FOXP2: variants seen among roughly 807,000 people sequenced by gnomAD.
FOXP2 encodes the protein forkhead box P2.
Under a neutral mutation model 115.8 loss-of-function variants are expected in FOXP2, and 12 were observed. That is an observed-to-expected ratio of 0.10 (90% confidence interval 0.07 to 0.17). FOXP2 has a LOEUF of 0.17. Among genes scored for constraint, FOXP2 ranks in the 10% least tolerant of loss-of-function variants. The probability of loss-of-function intolerance (pLI) is 1.00; values close to 1 mark genes in which losing one functional copy is unlikely to be tolerated. For missense variants in FOXP2, 629 were observed against 843.5 expected, an observed-to-expected ratio of 0.75 and a Z score of 3.15; for synonymous variants, 328 against 297.7, an observed-to-expected ratio of 1.10 and a Z score of -1.05.
chr7:114,334,657 G>A (rs2129183433), intron 2 of FOXP2, among the ~76,000 whole-genome samples: 1 of 150,610 alleles, frequency 6.6e-6, no homozygotes, highest in South Asian at 2.1e-4. Context: ...AAAACCCATA[G>A]AGAAACTGGG....
chr7:114,137,960 A>T (rs1431662493), intron 1 of FOXP2, among the ~76,000 whole-genome samples: 2 of 152,142 alleles, frequency 1.3e-5, no homozygotes, highest in Non-Finnish European at 2.9e-5. Flanking sequence ...AAAAACAGGG[A>T]TCCTTAGAGA....
chr7:114,596,727 G>A (rs1053164190), intron 3 of FOXP2, among the ~76,000 whole-genome samples: 16 of 151,902 alleles, frequency 1.1e-4, no homozygotes, highest in African/African-American at 3.4e-4. Context: ...CCCTCCATAC[G>A]TGTCCCAGGT....
intron 1 of FOXP2, among the ~76,000 whole-genome samples, chr7:114,197,070 C>T (rs1793931461): frequency 6.6e-6 from 1 of 152,044 alleles, no homozygotes; most frequent in Admixed American, 6.6e-5. Context: ...AGGTGGCATG[C>T]ACCTGTGATC....
intron 2 of FOXP2, among the ~76,000 whole-genome samples, chr7:114,514,661 A>G (rs929084652): frequency 6.6e-5 from 10 of 151,344 alleles, no homozygotes; most frequent in Non-Finnish European, 1.0e-4. Flanking sequence ...AGGAGCTCAC[A>G]TATTTCTTTT....
At chr7:114,593,181 T>G (rs1047011694) in intron 3 of FOXP2, among the ~76,000 whole-genome samples, 13 of 151,914 alleles carry the variant, frequency 8.6e-5, no homozygotes, top group Non-Finnish European at 1.5e-4. Flanking sequence ...TTCAAGAAAT[T>G]TTAATGTCTC....
intron 16 of FOXP2, among the ~76,000 whole-genome samples, chr7:114,677,893 C>T (rs890143962): frequency 2.6e-5 from 4 of 152,132 alleles, no homozygotes; most frequent in African/African-American, 9.7e-5. Flanking sequence ...ATTTATTGAA[C>T]ACCTATTGTG....
intron 1 of FOXP2, among the ~76,000 whole-genome samples, chr7:114,115,943 C>G (rs2129142888): frequency 6.6e-6 from 1 of 152,128 alleles, no homozygotes; most frequent in African/African-American, 2.4e-5. Flanking sequence ...CTGCTTTTTT[C>G]CTGAATGAAT....
intron 2 of FOXP2, among the ~76,000 whole-genome samples, chr7:114,306,620 C>T (rs1367971315): frequency 6.6e-6 from 1 of 152,134 alleles, no homozygotes; most frequent in Non-Finnish European, 1.5e-5. Flanking sequence ...TTTCTTATGG[C>T]TGCTCTAATA....
At chr7:114,626,798 T>G (rs903695791) in intron 3 of FOXP2, among the ~76,000 whole-genome samples, 18 of 151,866 alleles carry the variant, frequency 1.2e-4, no homozygotes, top group African/African-American at 3.9e-4. Flanking sequence ...AACAAGGAGT[T>G]AAGTAAATTG....
At chr7:114,477,032 G>C (rs1181363233) in intron 2 of FOXP2, among the ~76,000 whole-genome samples, 1 of 151,994 alleles carries the variant, frequency 6.6e-6, no homozygotes, top group South Asian at 2.1e-4. Context: ...TGGAGAAAGA[G>C]AATGCTTATA....
At chr7:114,490,519 T>A (rs1007851699) in intron 2 of FOXP2, among the ~76,000 whole-genome samples, 7 of 152,056 alleles carry the variant, frequency 4.6e-5, no homozygotes, top group Admixed American at 3.3e-4. Context: ...ACTTTTTTTT[T>A]TATACTTTAA....
At chr7:114,619,296 T>C (rs945999296) in intron 3 of FOXP2, among the ~76,000 whole-genome samples, 2 of 152,140 alleles carry the variant, frequency 1.3e-5, no homozygotes, top group Non-Finnish European at 2.9e-5. Flanking sequence ...AAAATAGCTG[T>C]CTTTGTAAAA....
intron 2 of FOXP2, among the ~76,000 whole-genome samples, chr7:114,434,467 G>A (rs1351895009): frequency 6.6e-6 from 1 of 150,650 alleles, no homozygotes; most frequent in Non-Finnish European, 1.5e-5. Context: ...ACAGCAATTT[G>A]GTTGATGTAT....
intron 2 of FOXP2, among the ~76,000 whole-genome samples, chr7:114,435,965 G>A (rs1039289067): frequency 1.3e-5 from 2 of 152,118 alleles, no homozygotes; most frequent in Non-Finnish European, 2.9e-5. Flanking sequence ...GGTAGAGGCT[G>A]TGAAGAAAAA....
intron 2 of FOXP2, among the ~76,000 whole-genome samples, chr7:114,485,113 C>T (rs1584794096): frequency 6.6e-6 from 1 of 151,602 alleles, no homozygotes; most frequent in East Asian, 1.9e-4. Context: ...TATGCTTTGC[C>T]CCAAATGCTG....
chr7:114,494,912 A>G (rs1276048490), intron 2 of FOXP2, among the ~76,000 whole-genome samples: 1 of 152,142 alleles, frequency 6.6e-6, no homozygotes, highest in Non-Finnish European at 1.5e-5. Flanking sequence ...GTTTTACTTT[A>G]GTTTTCATTG....
intron 3 of FOXP2, among the ~76,000 whole-genome samples, chr7:114,614,311 T>A (rs769484921): frequency 6.6e-6 from 1 of 151,122 alleles, no homozygotes; most frequent in Non-Finnish European, 1.5e-5. Flanking sequence ...GGTTGAATAA[T>A]GTTCATATGT....
intron 1 of FOXP2, among the ~76,000 whole-genome samples, chr7:114,142,987 A>T (rs914240553): frequency 1.3e-5 from 2 of 151,880 alleles, no homozygotes; most frequent in Non-Finnish European, 2.9e-5. Context: ...TCTCTACAGA[A>T]GATATAAAAA....
chr7:114,468,980 T>C (rs1795928598), intron 2 of FOXP2, among the ~76,000 whole-genome samples: 1 of 152,168 alleles, frequency 6.6e-6, no homozygotes, highest in Non-Finnish European at 1.5e-5. Context: ...AAAGCACTTA[T>C]CTATTCTCAG....
Sources: allele counts gnomAD v4.1 joint callset (sites outside exome capture counted in the v4.1 genomes callset), GRCh38; gene constraint gnomAD v4.1.1; transcripts MANE v1.5; gene names NCBI Gene and HGNC (gene_info 2026-07-23, HGNC 2026-07-21).